RUNX2: variants seen among roughly 807,000 people sequenced by gnomAD.
RUNX2 encodes RUNX family transcription factor 2.
RUNX2 carries 10 observed loss-of-function variants against 51.7 expected under a neutral mutation model. The observed-to-expected ratio is 0.19, with a 90% CI of 0.12 to 0.33. RUNX2 has a LOEUF of 0.33. RUNX2 is among the 10% of genes least tolerant of loss of function. The probability of loss-of-function intolerance (pLI) is 1.00; values close to 1 mark genes in which losing one functional copy is unlikely to be tolerated. For missense variants in RUNX2, 562 were observed against 691.3 expected (o/e 0.81, Z 2.10); for synonymous variants, 276 against 273.6 (o/e 1.01, Z -0.09).
chr6:45,513,575 G>A (rs1469401243), intron 7 of RUNX2: 1 of 152,178 alleles, frequency 6.6e-6, no homozygotes, highest in Non-Finnish European at 1.5e-5. Flanking sequence ...GGAAGGCTTT[G>A]TTTCTCAAGC....
intron 2 of RUNX2, among the ~76,000 whole-genome samples, chr6:45,345,592 C>T (rs760105671): frequency 6.6e-6 from 1 of 152,054 alleles, no homozygotes; most frequent in Non-Finnish European, 1.5e-5. Context: ...CTCATAAATC[C>T]CCAAGACCTA....
Position 45,465,942 on chromosome 6 carries a change from C to T in RUNX2, c.686-25999C>T, listed in dbSNP as rs72862994. 3.7e-3 allele frequency among the ~76,000 whole-genome samples: 568 copies of T among 152,166 alleles called. 3 individuals are homozygous for T. Among genetic ancestry groups the T allele is most frequent in the Middle Eastern group, 0.021 (6 of 292 alleles). On this transcript the variant is annotated intron_variant, in intron 5 of 8. Coordinates refer to ENST00000647337, the MANE Select transcript of RUNX2 (RefSeq NM_001024630.4). ...ATTATAGGCGTGAGCGACTGTACCCCGCCCTACTTCTTTTTTCTATGCCTT... is the reference window on the plus strand; with the variant it reads ...ATTATAGGCGTGAGCGACTGTACCCTGCCCTACTTCTTTTTTCTATGCCTT...
intron 4 of RUNX2, among the ~76,000 whole-genome samples, chr6:45,437,519 T>A (rs1582111074): frequency 6.6e-6 from 1 of 152,172 alleles, no homozygotes. Context: ...GTAAATAACA[T>A]AATCAACAAT....
At chr6:45,423,010 G>A in intron 3 of RUNX2, 53 bp downstream of exon 3, 1 of 1,588,160 alleles carries the variant, frequency 6.3e-7, no homozygotes, top group African/African-American at 1.3e-5. Flanking sequence ...GAACCTGCCC[G>A]CCGGTGTCTT....
chr6:45,531,840 T>C lies in RUNX2; in HGVS notation c.1022-13377T>C, dbSNP rs142499794. 4.9e-3 allele frequency among the ~76,000 whole-genome samples: 740 copies of C among 151,848 alleles called. 5 individuals are homozygous for C. The highest frequency in any genetic ancestry group is 0.017 in the African/African-American group (712 of 41,208). ...AAATTTTGCACGATATATTCTACCTTGCAAGAGCTGGAAAGGTTGATACAA... is the reference window on the plus strand; with the variant it reads ...AAATTTTGCACGATATATTCTACCTCGCAAGAGCTGGAAAGGTTGATACAA... On this transcript the variant is annotated intron_variant, in intron 7 of 8. Coordinates refer to ENST00000647337, the MANE Select transcript of RUNX2 (RefSeq NM_001024630.4).
chr6:45,478,226 A>G (rs1189956891), intron 5 of RUNX2, among the ~76,000 whole-genome samples: 1 of 152,068 alleles, frequency 6.6e-6, no homozygotes, highest in Non-Finnish European at 1.5e-5. Flanking sequence ...ATTTGTTTTT[A>G]TGATGCCTCC....
chr6:45,488,788 C>T (rs1019022060), intron 5 of RUNX2, among the ~76,000 whole-genome samples: 1 of 152,136 alleles, frequency 6.6e-6, no homozygotes, highest in African/African-American at 2.4e-5. Flanking sequence ...CAGGAATTTT[C>T]CATTCTTCAT....
intron 2 of RUNX2, among the ~76,000 whole-genome samples, chr6:45,419,459 G>GA (rs1798131719): frequency 6.6e-6 from 1 of 152,124 alleles, no homozygotes; most frequent in Non-Finnish European, 1.5e-5. Flanking sequence ...AAAAAGCCAT[G>GA]ACTCTATGAG....
chr6:45,368,010 T>C (rs1343047539), intron 2 of RUNX2, among the ~76,000 whole-genome samples: 2 of 152,172 alleles, frequency 1.3e-5, no homozygotes, highest in Non-Finnish European at 2.9e-5. Flanking sequence ...ATTCCAATGC[T>C]CTATTTCCTT....
At position 45,491,841 on chromosome 6, in the gene RUNX2, C is replaced by T. The variant is rs555608753; in HGVS notation, c.686-100C>T. 1.3e-5 allele frequency: 15 copies of T among 1,198,626 alleles called. No individual in the cohort carries two copies. The South Asian group carries it at 1.8e-4, about 15-fold the overall frequency. 74.2% of individuals were successfully genotyped at this position (1,198,626 alleles called of 1,614,324 possible). ...TTATAAATATTAATATTGATAATTC[C>T]TTGGCTTAAACTCCCAGTTTGTATG... On this transcript the variant is annotated intron_variant, in intron 5 of 8. Transcript: ENST00000647337.
chr6:45,398,620 C>T (rs919888285), intron 2 of RUNX2, among the ~76,000 whole-genome samples: 2 of 152,196 alleles, frequency 1.3e-5, no homozygotes, highest in Admixed American at 1.3e-4. Context: ...TTATGTAGAA[C>T]ATTTTTTTCT....
At chr6:45,348,504 T>C (rs1321692395) in intron 2 of RUNX2, among the ~76,000 whole-genome samples, 1 of 30,542 alleles carries the variant, frequency 3.3e-5, no homozygotes, top group African/African-American at 1.8e-4. Flanking sequence ...CCGTCTCTAC[T>C]AAAAATACAA....
chr6:45,522,842 A>T (rs1801549775), intron 7 of RUNX2, among the ~76,000 whole-genome samples: 1 of 152,224 alleles, frequency 6.6e-6, no homozygotes, highest in Non-Finnish European at 1.5e-5. Context: ...TATTATTAGA[A>T]ATTGGCTAAT....
rs572599050 is a variant in RUNX2, at chr6:45,426,133, A to C, written c.423+3176A>C. 2.0e-5 allele frequency among the ~76,000 whole-genome samples: 3 copies of C among 152,320 alleles called. No individual in the cohort carries two copies. In the East Asian group the frequency reaches 5.8e-4, roughly 29 times the overall value. On this transcript the variant is annotated intron_variant, in intron 3 of 8. Coordinates refer to ENST00000647337, the MANE Select transcript of RUNX2 (RefSeq NM_001024630.4). ...CTACTCTTGTTTCGAGATGATATAA[A>C]ATTTATTTATTTTTACATGTAAAAA...
intron 7 of RUNX2, among the ~76,000 whole-genome samples, chr6:45,514,445 C>T (rs1449671543): frequency 1.3e-5 from 2 of 152,152 alleles, no homozygotes; most frequent in Admixed American, 6.5e-5. Flanking sequence ...AGGAGTGAGC[C>T]TCTGGTTTAA....
rs1466405295 is a variant in RUNX2 at position 45,547,167 on chromosome 6, C to T, written c.1428C>T (p.Thr476=). The T allele has an allele frequency of 1.9e-6, 3 of 1,614,070 alleles. No homozygotes were observed. Among genetic ancestry groups the T allele is most frequent in the African/African-American group, 2.7e-5 (2 of 74,914 alleles). ...PSRMLPPCTT[T]SNGSTLLNPN... ...GAATGCTTCCGCCATGCACCACCAC[C>T]TCGAATGGCAGCACGCTATTAAATC... The change falls in exon 9 of 9, where the codon ACC becomes ACT. Residue 476 remains threonine, a synonymous_variant. Transcript: ENST00000647337.
chr6:45,476,338 G>T (rs1449850028), intron 5 of RUNX2, among the ~76,000 whole-genome samples: 2 of 151,034 alleles, frequency 1.3e-5, no homozygotes, highest in East Asian at 3.8e-4. Flanking sequence ...GAGCCTTTGG[G>T]GAGGAAGGAC....
chr6:45,502,505 T>C (rs1386412506), intron 6 of RUNX2, among the ~76,000 whole-genome samples: 1 of 152,122 alleles, frequency 6.6e-6, no homozygotes, highest in African/African-American at 2.4e-5. Flanking sequence ...CACTCCCAGC[T>C]GTAGGCCCAA....
rs568061312 is a variant in RUNX2, at chr6:45,434,032, C to T, written c.580+2013C>T. On this transcript the variant is annotated intron_variant, in intron 4 of 8. Coordinates refer to ENST00000647337, the MANE Select transcript of RUNX2 (RefSeq NM_001024630.4). ...AATTGGTCCAGACTTGTCTTCAAGACTTAGATGGGGGGTAGGGGGAGTGGG... is the reference window on the plus strand; with the variant it reads ...AATTGGTCCAGACTTGTCTTCAAGATTTAGATGGGGGGTAGGGGGAGTGGG... 2.7e-3 allele frequency among the ~76,000 whole-genome samples: 404 copies of T among 152,128 alleles called. 2 individuals carry two copies. The highest frequency in any genetic ancestry group is 7.5e-3 in the African/African-American group (313 of 41,484).
Sources: gnomAD v4.1 joint callset for allele counts (sites outside exome capture counted in the v4.1 genomes callset) on GRCh38, gnomAD v4.1.1 for gene constraint, MANE v1.5 for transcripts, NCBI Gene and HGNC (gene_info 2026-07-23, HGNC 2026-07-21) for gene names.